DNASE1: variants seen among roughly 807,000 people sequenced by gnomAD.
The protein encoded by DNASE1 is deoxyribonuclease 1.
A neutral mutation model predicts 33.9 loss-of-function variants in DNASE1; 40 were observed. The observed-to-expected ratio is 1.18, with a 90% CI of 0.92 to 1.54. The LOEUF (loss-of-function observed/expected upper bound fraction) is 1.54. DNASE1 is among the 40% of genes most tolerant of loss of function. The pLI is 0.00. For missense variants in DNASE1, 518 were observed against 372.6 expected (o/e 1.39, Z -3.21); for synonymous variants, 216 against 160.0 (o/e 1.35, Z -2.64).
chr16:3,652,598 C>T (rs1323722196), upstream of DNASE1: 2 of 152,210 alleles, frequency 1.3e-5, no homozygotes, highest in African/African-American at 4.8e-5. Flanking sequence ...GTGGTGTTTC[C>T]ATCTGGTAGA....
intron 1 of DNASE1, among the ~76,000 whole-genome samples, chr16:3,628,692 G>A (rs2041600930): frequency 6.6e-6 from 1 of 151,018 alleles, no homozygotes; most frequent in Admixed American, 6.6e-5. Flanking sequence ...CCGAATAGCT[G>A]GGACTATAGG....
rs1426410578 is a variant in DNASE1, at chr16:3,657,282, G to A, written c.645G>A (p.Gln215=). The change falls in exon 7 of 9, where the codon CAG becomes CAA. Residue 215 remains glutamine, a synonymous_variant. Transcript: ENST00000246949. ...GCCTGTGGACAAGCCCCACCTTCCAGTGGCTGATCCCCGACAGCGCTGACA... is the reference window on the plus strand; with the variant it reads ...GCCTGTGGACAAGCCCCACCTTCCAATGGCTGATCCCCGACAGCGCTGACA... ...SIRLWTSPTF[Q]WLIPDSADTT... is the part of the protein sequence containing the mutation. 1.9e-6 allele frequency: 3 copies of A among 1,613,912 alleles called. No homozygotes were observed. Among genetic ancestry groups the A allele is most frequent in the Non-Finnish European group, 2.5e-6 (3 of 1,180,038 alleles).
chr16:3,650,637 C>T (rs2042306994), upstream of DNASE1: 1 of 146,690 alleles, frequency 6.8e-6, no homozygotes, highest in East Asian at 2.0e-4. Flanking sequence ...AAAAAGAAAT[C>T]CCCCACAGTT....
rs369538834 is a variant in DNASE1, at chr16:3,657,151, G to A, written c.550-36G>A. 321 of 1,613,994 alleles carry A rather than the reference G, an allele frequency of 2.0e-4. 1 individual carries two copies. Among genetic ancestry groups the A allele is most frequent in the Middle Eastern group, 3.3e-4 (2 of 6,084 alleles). On this transcript the variant is annotated intron_variant, in intron 6 of 8. Transcript: ENST00000246949. ...GGGGCAGTGGGCACCAGCGGCCTCC[G>A]CATGTCCCAGGGCCACAGGCAGCGT...
intron 1 of DNASE1, among the ~76,000 whole-genome samples, chr16:3,624,544 C>T (rs992481245): frequency 1.3e-5 from 2 of 152,198 alleles, no homozygotes; most frequent in African/African-American, 4.8e-5. Context: ...AATCTAGCAG[C>T]CACTGTGTAC....
rs141801594 is a variant in DNASE1, at chr16:3,656,675, G to T, written c.358G>T (p.Asp120Tyr). Residue 120 changes from aspartate to tyrosine, a missense_variant, in exon 5 of 9, where the codon GAT (aspartate) becomes TAT (tyrosine). Coordinates refer to ENST00000246949, the MANE Select transcript of DNASE1 (RefSeq NM_005223.4). ...QVSAVDSYYY[D>Y]DGCEPCGNDT... ...GTCTGCGGTGGACAGCTACTACTAC[G>T]ATGATGGCTGCGAGCCCTGCGGGAA... 1.9e-6 allele frequency: 3 copies of T among 1,613,144 alleles called. No homozygotes were observed. Among genetic ancestry groups the T allele is most frequent in the Middle Eastern group, 3.3e-4 (2 of 6,058 alleles).
chr16:3,645,013 G>A (rs567415901), intron 1 of DNASE1, among the ~76,000 whole-genome samples: 43 of 151,784 alleles, frequency 2.8e-4, no homozygotes, highest in African/African-American at 9.4e-4. Flanking sequence ...GCCTGTGGTC[G>A]GTCCCAGCTT....
At chr16:3,663,557 G>C (rs1031690293) in exon 10 of DNASE1, 2 of 1,613,854 alleles carry the variant, frequency 1.2e-6, no homozygotes, top group South Asian at 1.1e-5. Context: ...CAAAGCAGAA[G>C]AGAACCTGCA....
chr16:3,626,818 T>C (rs2041526983), intron 1 of DNASE1, among the ~76,000 whole-genome samples: 1 of 152,250 alleles, frequency 6.6e-6, no homozygotes, highest in Non-Finnish European at 1.5e-5. Context: ...AGGATTATGC[T>C]GTCTTGATGA....
At chr16:3,632,126 G>C (rs2041718966) in intron 1 of DNASE1, among the ~76,000 whole-genome samples, 1 of 152,096 alleles carries the variant, frequency 6.6e-6, no homozygotes, top group Non-Finnish European at 1.5e-5. Flanking sequence ...GTGTTTTATG[G>C]ACCCGAATGT....
downstream of DNASE1, chr16:3,662,210 G>A (rs551743051): frequency 5.2e-6 from 8 of 1,533,398 alleles, no homozygotes; most frequent in African/African-American, 4.1e-5. Context: ...CAGGGGTGAA[G>A]GTCACCCAGA....
At chr16:3,663,507 A>T in exon 10 of DNASE1, 2 of 1,614,064 alleles carry the variant, frequency 1.2e-6, no homozygotes, top group Non-Finnish European at 1.7e-6. Context: ...CTTCTTGTCA[A>T]ACTCACGAAG....
intron 1 of DNASE1, among the ~76,000 whole-genome samples, chr16:3,630,133 TTGTGTG>T (rs200194109): frequency 8.0e-5 from 12 of 150,730 alleles, no homozygotes; most frequent in East Asian, 3.9e-4. Flanking sequence ...TTGTTTTTTG[TTGTGTG>T]TGTGTGTGTG....
intron 3 of DNASE1, 65 bp from the exon 4 acceptor site, chr16:3,656,037 C>T: frequency 6.2e-7 from 1 of 1,610,950 alleles, no homozygotes; most frequent in South Asian, 1.1e-5. Context: ...CACAGCCTCG[C>T]TATCGGCAGC....
chr16:3,662,015 G>T (rs147600197), downstream of DNASE1: 368 of 1,611,522 alleles, frequency 2.3e-4, no homozygotes, highest in Non-Finnish European at 2.9e-4. Context: ...GTGGGCTGCA[G>T]GAGCTGTGCG....
At position 3,655,537 on chromosome 16, in the gene DNASE1, C is replaced by A. The variant is rs535831887; in HGVS notation, c.147+17C>A. On this transcript the variant is annotated intron_variant, in intron 2 of 8. Transcript: ENST00000246949. The stretch of plus-strand genomic sequence containing the variant: ...ATTGTGCAGGTGAGGCCAGGGCAGC[C>A]TCCCCCCAAAAGCAGAGGAGCTCTG... 1 of 1,613,944 alleles carries A rather than the reference C, an allele frequency of 6.2e-7. No homozygotes were observed. Among genetic ancestry groups the A allele is most frequent in the African/African-American group, 1.3e-5 (1 of 75,060 alleles).
chr16:3,644,480 T>C (rs1286930209), intron 1 of DNASE1, among the ~76,000 whole-genome samples: 1 of 151,846 alleles, frequency 6.6e-6, no homozygotes, highest in Non-Finnish European at 1.5e-5. Flanking sequence ...GGATAATCGC[T>C]TGAATCTGGG....
At chr16:3,664,186 G>T in exon 10 of DNASE1, 1 of 1,371,632 alleles carries the variant, frequency 7.3e-7, no homozygotes, top group Non-Finnish European at 9.6e-7. Flanking sequence ...CGGAGTCTTG[G>T]GCAGGTTCAC....
chr16:3,653,492 T>A (rs923001166), upstream of DNASE1: 13 of 152,056 alleles, frequency 8.5e-5, no homozygotes, highest in Admixed American at 2.6e-4. Flanking sequence ...GCTCAGGACT[T>A]GGAGACCTTG....
Sources: gnomAD v4.1 joint callset for allele counts (sites outside exome capture counted in the v4.1 genomes callset) on GRCh38, gnomAD v4.1.1 for gene constraint, MANE v1.5 for transcripts, NCBI Gene and HGNC (gene_info 2026-07-23, HGNC 2026-07-21) for gene names.